HNRNPLL: variants seen among roughly 807,000 people sequenced by gnomAD.
The protein encoded by HNRNPLL is heterogeneous nuclear ribonucleoprotein L-like.
In HNRNPLL, 25 loss-of-function variants were observed where a neutral mutation model predicts 67.1. The observed-to-expected ratio is 0.37, with a 90% CI of 0.27 to 0.52. The LOEUF is 0.52. Ranked by LOEUF, HNRNPLL falls within the 20% of genes least tolerant of loss-of-function variation. The probability of loss-of-function intolerance (pLI) is 0.90; values close to 1 mark genes in which losing one functional copy is unlikely to be tolerated. For synonymous variants in HNRNPLL, 267 were observed against 241.7 expected, an observed-to-expected ratio of 1.10 and a Z score of -0.97; for missense variants, 542 against 673.9, an observed-to-expected ratio of 0.80 and a Z score of 2.17.
At chr2:38,577,656 G>C (rs892157467) in intron 6 of HNRNPLL, 124 bp from the exon 7 acceptor site, 1 of 655,634 alleles carries the variant, frequency 1.5e-6, no homozygotes, top group Non-Finnish European at 2.8e-6. Context: ...ACGATTCCTG[G>C]TTAACTTTAA....
chr2:38,599,630 T>A (rs1396491274), intron 1 of HNRNPLL, among the ~76,000 whole-genome samples: 1 of 152,186 alleles, frequency 6.6e-6, no homozygotes, highest in Non-Finnish European at 1.5e-5. Context: ...ATTTCTCATA[T>A]CCAAAGTATT....
chr2:38,601,981 G>A (rs1667456527), intron 1 of HNRNPLL: 1 of 180,692 alleles, frequency 5.5e-6, no homozygotes, highest in South Asian at 1.0e-4. Flanking sequence ...ATAGGACCGA[G>A]GCGGAGAGAG....
intron 1 of HNRNPLL, among the ~76,000 whole-genome samples, chr2:38,596,224 T>C (rs905548341): frequency 4.6e-5 from 7 of 152,200 alleles, no homozygotes; most frequent in Admixed American, 2.0e-4. Flanking sequence ...TCTTTACCTG[T>C]ACTATATACT....
At chr2:38,579,415 T>C (rs896105871) in intron 6 of HNRNPLL, among the ~76,000 whole-genome samples, 6 of 151,666 alleles carry the variant, frequency 4.0e-5, no homozygotes, top group Non-Finnish European at 7.4e-5. Context: ...ATAATAATAA[T>C]AAAATAAAAT....
intron 4 of HNRNPLL, among the ~76,000 whole-genome samples, chr2:38,582,468 AC>A (rs1198777807): frequency 6.6e-6 from 1 of 151,120 alleles, no homozygotes; most frequent in Non-Finnish European, 1.5e-5. Context: ...GTGCCACCGC[AC>A]CCGGCTAATT....
In HNRNPLL at chr2:38,583,916, T is replaced by C. The variant is rs140773144; in HGVS notation, c.557A>G (p.Tyr186Cys). 6.9e-7 allele frequency: 1 copy of C among 1,456,954 alleles called. No homozygotes were observed. The highest frequency in any genetic ancestry group is 9.4e-7 in the Non-Finnish European group (1 of 1,065,568). The allele number at this position is 1,456,954 out of a possible 1,614,324, so 90.3% of individuals were successfully genotyped here. Residue 186 changes from tyrosine to cysteine, a missense_variant, in exon 4 of 13, where the codon TAT becomes TGT. By Grantham distance (194) the Tyr-to-Cys change is radical (BLOSUM62 -2). This residue lies in a region of HNRNPLL where 415 missense variants were observed against 575.2 expected (regional missense o/e 0.72). Transcript: ENST00000449105. ...PLYPITVDVLYTVCNPVGKVQ... is the reference protein window; with the variant it reads ...PLYPITVDVLCTVCNPVGKVQ... Reference sequence around the variant, plus strand: ...TTTGCCAACAGGGTTGCATACAGTATATAAAACATCCTATGAAGGAAAAGA... The same window carrying C: ...TTTGCCAACAGGGTTGCATACAGTACATAAAACATCCTATGAAGGAAAAGA...
chr2:38,597,691 A>ATT (rs5830538), intron 1 of HNRNPLL, among the ~76,000 whole-genome samples: 23 of 143,398 alleles, frequency 1.6e-4, no homozygotes, highest in Non-Finnish European at 2.6e-4. Flanking sequence ...AACTTTTTTT[A>ATT]TTTTTTTTTT....
chr2:38,568,624 T>C (rs1208893402), intron 10 of HNRNPLL, among the ~76,000 whole-genome samples, 181 bp from the exon 11 acceptor site: 2 of 152,244 alleles, frequency 1.3e-5, no homozygotes, highest in Non-Finnish European at 2.9e-5. Context: ...AGTAAAATTC[T>C]ATAAACTATA....
intron 3 of HNRNPLL, among the ~76,000 whole-genome samples, chr2:38,585,120 G>T (rs1271490314): frequency 6.6e-6 from 1 of 151,842 alleles, no homozygotes; most frequent in Non-Finnish European, 1.5e-5. Context: ...AACAGCATGT[G>T]AGTAGGAAGA....
At chr2:38,594,933 C>A (rs113774869) in intron 1 of HNRNPLL, among the ~76,000 whole-genome samples, 2,214 of 149,994 alleles carry the variant, frequency 0.015, 26 homozygotes, top group South Asian at 0.062. Context: ...AACAGAGCCT[C>A]CATCTCAAAA....
chr2:38,585,564 T>C (rs990170240), intron 3 of HNRNPLL, 80 bp downstream of exon 3: 4 of 823,000 alleles, frequency 4.9e-6, no homozygotes, highest in East Asian at 2.5e-5. Flanking sequence ...TAGATGGCAA[T>C]GAAAAAACTA....
In HNRNPLL at chr2:38,602,716, C is replaced by T. The variant is rs906993468; in HGVS notation, c.-90G>A. The T allele has an allele frequency of 6.3e-6, 9 of 1,435,680 alleles. No homozygotes were observed. The highest frequency in any genetic ancestry group is 1.5e-5 in the African/African-American group (1 of 66,512). 88.9% of individuals were successfully genotyped at this position (1,435,680 alleles called of 1,614,324 possible). On this transcript the variant is annotated 5_prime_UTR_variant, in exon 1 of 13. Coordinates refer to ENST00000449105, the MANE Select transcript of HNRNPLL (RefSeq NM_138394.4). ...GCCGCCGGCCAGTCCTCGCCGCCGGCAGCGCCTCTTCTGCGAGGGTCTCCG... is the reference window on the plus strand; with the variant it reads ...GCCGCCGGCCAGTCCTCGCCGCCGGTAGCGCCTCTTCTGCGAGGGTCTCCG...
chr2:38,568,479 C>T lies in HNRNPLL; in HGVS notation c.1417-36G>A, dbSNP rs545035485. ...AAGTAAAACTTCATTAAAAATATAG[C>T]CAAAATAATATCCCACTTTTTTACA... is the stretch of plus-strand genomic sequence containing the variant. On this transcript the variant is annotated intron_variant, in intron 10 of 12. Coordinates refer to ENST00000449105, the MANE Select transcript of HNRNPLL (RefSeq NM_138394.4). The T allele has an allele frequency of 4.7e-5, 64 of 1,370,406 alleles. No individual in the cohort carries two copies. In the East Asian group the frequency reaches 1.3e-3, roughly 28 times the overall value. The allele number at this position is 1,370,406 out of a possible 1,614,324, so 84.9% of individuals were successfully genotyped here.
rs1667506910 is a variant in HNRNPLL, at chr2:38,602,785, G to A, written c.-159C>T. ...GGACTGCGCGGCCAGGAGACTGGCGGCTGAGAAGCGCGGACGGACTGAGGG... is the reference window on the plus strand; with the variant it reads ...GGACTGCGCGGCCAGGAGACTGGCGACTGAGAAGCGCGGACGGACTGAGGG... On this transcript the variant is annotated 5_prime_UTR_variant, in exon 1 of 13. Transcript: ENST00000449105. 1.3e-6 allele frequency: 2 copies of A among 1,533,778 alleles called. No individual in the cohort carries two copies. Among genetic ancestry groups the A allele is most frequent in the Middle Eastern group, 1.7e-4 (1 of 5,944 alleles).
At position 38,562,224 on chromosome 2, in the gene HNRNPLL, T is replaced by C. The variant is rs958055000; in HGVS notation, c.*1958A>G. 1 of 152,148 alleles carries C rather than the reference T, an allele frequency of 6.6e-6. No homozygotes were observed. The highest frequency in any genetic ancestry group is 1.5e-5 in the Non-Finnish European group (1 of 68,004). The allele number at this position is 152,148 out of a possible 1,614,324, so 9.4% of individuals were successfully genotyped here. ...TGCCTAAGTAAACTATCAAAAACAT[T>C]AGTGACAGCAGCAGTATAGGGCTTA... On this transcript the variant is annotated 3_prime_UTR_variant, in exon 13 of 13. Coordinates refer to ENST00000449105, the MANE Select transcript of HNRNPLL (RefSeq NM_138394.4).
chr2:38,599,980 G>T (rs1488425048), intron 1 of HNRNPLL: 1 of 458,304 alleles, frequency 2.2e-6, no homozygotes. Flanking sequence ...AACCCTTTTC[G>T]GTTACAATGA....
chr2:38,578,968 G>A (rs1014368815), intron 6 of HNRNPLL, among the ~76,000 whole-genome samples: 3 of 151,854 alleles, frequency 2.0e-5, no homozygotes, highest in Admixed American at 1.3e-4. Flanking sequence ...CTCTCATCAC[G>A]CAAGTCTCAC....
rs773170156 is a variant in HNRNPLL at position 38,602,871 on chromosome 2, G to C, written c.-245C>G. 2.2e-3 allele frequency: 3,335 copies of C among 1,549,264 alleles called. 5 individuals carry two copies. Among genetic ancestry groups the C allele is most frequent in the Non-Finnish European group, 2.7e-3 (3,090 of 1,146,200 alleles). ...CTCTCAATTACCGAGCCAACATTCAGCCTCTCCCTCCTCCTCCTCCGTCTC... is the reference window on the plus strand; with the variant it reads ...CTCTCAATTACCGAGCCAACATTCACCCTCTCCCTCCTCCTCCTCCGTCTC... On this transcript the variant is annotated 5_prime_UTR_variant, in exon 1 of 13. Transcript: ENST00000449105.
chr2:38,585,904 A>G (rs774243809), intron 2 of HNRNPLL, 23 bp from the exon 3 acceptor site: 11 of 1,307,900 alleles, frequency 8.4e-6, no homozygotes, highest in Non-Finnish European at 1.2e-5. Flanking sequence ...AAAAGGAGGA[A>G]ACACACAAAC....
Sources: allele counts gnomAD v4.1 joint callset (sites outside exome capture counted in the v4.1 genomes callset), GRCh38; gene constraint gnomAD v4.1.1; regional missense constraint gnomAD v4.1.1; transcripts MANE v1.5; gene names NCBI Gene and HGNC (gene_info 2026-07-23, HGNC 2026-07-21).